DMD: variants seen among roughly 807,000 people sequenced by gnomAD.
DMD encodes dystrophin.
In DMD, 63 loss-of-function variants were observed where a neutral mutation model predicts 330.1. That is an observed-to-expected ratio of 0.19 (90% confidence interval 0.16 to 0.24). The LOEUF (loss-of-function observed/expected upper bound fraction) is 0.24. Among genes scored for constraint, DMD ranks in the 10% least tolerant of loss-of-function variants. The pLI, the probability that DMD is intolerant of heterozygous loss-of-function variation, is 1.00. For missense variants in DMD, 3,344 were observed against 2,684.1 expected, an observed-to-expected ratio of 1.25 and a Z score of -5.43; for synonymous variants, 1,223 against 959.8, an observed-to-expected ratio of 1.27 and a Z score of -5.07.
At chrX:31,422,125 C>G (rs1294829295) in intron 60 of DMD, among the ~76,000 whole-genome samples, 1 of 105,341 alleles carries the variant, frequency 9.5e-6, no homozygotes, top group African/African-American at 3.5e-5. Flanking sequence ...CCCACCTCAG[C>G]CTCCCGAGTA....
intron 41 of DMD, among the ~76,000 whole-genome samples, chrX:32,336,279 G>A (rs1409655805): frequency 9.0e-6 from 1 of 111,131 alleles, no homozygotes; most frequent in Non-Finnish European, 1.9e-5. Context: ...GCCTCACAAA[G>A]AGCTGGGATT....
Position 31,983,984 on chromosome X carries a change from T to G in DMD, c.6439-15470A>C, listed in dbSNP as rs1465059493. On this transcript the variant is annotated intron_variant, in intron 44 of 78. Transcript: ENST00000357033. Reference sequence around the variant, plus strand: ...TCCCATTATTCGGTACTGGCTCTTTTCTGACTCAAATACTTAGATATTAAA... The same window carrying G: ...TCCCATTATTCGGTACTGGCTCTTTGCTGACTCAAATACTTAGATATTAAA... Among the ~76,000 whole-genome samples the G allele has an allele frequency of 1.7e-4, 19 of 111,625 alleles. No individual in the cohort carries two copies. In the Admixed American group the frequency reaches 1.8e-3, roughly 11 times the overall value.
At chrX:32,828,186 A>G (rs1285903436) in intron 4 of DMD, among the ~76,000 whole-genome samples, 1 of 111,760 alleles carries the variant, frequency 8.9e-6, no homozygotes, top group Non-Finnish European at 1.9e-5. Flanking sequence ...CAATAAACAT[A>G]TATGTGCATG....
rs1432823662 is a variant in DMD, at chrX:32,624,197, G to A, written c.1332-9744C>T. ...GGTTTCATTTTATATCCTTCAAGTC[G>A]TCATTTAGACGGGAAAGTAAAAGCA... On this transcript the variant is annotated intron_variant, in intron 11 of 78. Coordinates refer to ENST00000357033, the MANE Select transcript of DMD (RefSeq NM_004006.3). Among the ~76,000 whole-genome samples the A allele has an allele frequency of 3.6e-5, 4 of 111,911 alleles. No individual in the cohort carries two copies. In the East Asian group the frequency reaches 8.5e-4, roughly 24 times the overall value.
At chrX:32,703,571 A>G (rs372649770) in intron 7 of DMD, among the ~76,000 whole-genome samples, 3 of 111,581 alleles carry the variant, frequency 2.7e-5, no homozygotes, top group East Asian at 2.8e-4. Context: ...CAGATGAGCC[A>G]CCCCATAATT....
chrX:32,543,213 C>A (rs2048651550), intron 17 of DMD, among the ~76,000 whole-genome samples: 2 of 110,872 alleles, frequency 1.8e-5, no homozygotes, highest in African/African-American at 6.6e-5. Context: ...CCCAATGGGA[C>A]TTCTCATTTA....
intron 49 of DMD, among the ~76,000 whole-genome samples, chrX:31,832,760 G>T (rs2093080803): frequency 8.9e-6 from 1 of 112,279 alleles, no homozygotes; most frequent in Admixed American, 9.4e-5. Flanking sequence ...ACTTTAGAAA[G>T]TAACCAAGAC....
intron 7 of DMD, among the ~76,000 whole-genome samples, chrX:32,798,799 C>A (rs909442560): frequency 1.8e-5 from 2 of 111,171 alleles, no homozygotes; most frequent in Admixed American, 9.6e-5. Context: ...AGACAAAAAT[C>A]AATCTAAATG....
chrX:33,123,285 A>G (rs1354283045), intron 1 of DMD, among the ~76,000 whole-genome samples: 1 of 112,213 alleles, frequency 8.9e-6, no homozygotes, highest in Non-Finnish European at 1.9e-5. Context: ...GTGTTAACAC[A>G]TAACTGTATA....
chrX:32,916,652 T>A (rs1243867340), intron 2 of DMD, among the ~76,000 whole-genome samples: 1 of 111,872 alleles, frequency 8.9e-6, no homozygotes, highest in Non-Finnish European at 1.9e-5. Flanking sequence ...TGTTGATATC[T>A]ATTGAAGATA....
At chrX:33,095,997 T>C (rs1168629931) in intron 1 of DMD, among the ~76,000 whole-genome samples, 2 of 75,788 alleles carry the variant, frequency 2.6e-5, no homozygotes, top group African/African-American at 1.0e-4. Context: ...TTTTTTGAGA[T>C]GGAGTCTCGC....
At chrX:33,128,028 T>C (rs1192610602) in intron 1 of DMD, 1 of 1,157,747 alleles carries the variant, frequency 8.6e-7, no homozygotes, top group Non-Finnish European at 1.2e-6. Context: ...CATCCAAATA[T>C]ATCCCAGGGG....
At chrX:31,583,516 G>C (rs771378008) in intron 55 of DMD, among the ~76,000 whole-genome samples, 1 of 111,276 alleles carries the variant, frequency 9.0e-6, no homozygotes, top group East Asian at 2.8e-4. Context: ...TTCTTAGTGA[G>C]AGCAGTTTGC....
intron 1 of DMD, among the ~76,000 whole-genome samples, chrX:33,318,050 T>C (rs2053958403): frequency 9.0e-6 from 1 of 111,574 alleles, no homozygotes; most frequent in South Asian, 3.8e-4. Context: ...CTTACTGTGC[T>C]GATTAAGTGG....
intron 1 of DMD, among the ~76,000 whole-genome samples, chrX:33,084,856 A>C (rs1200659513): frequency 8.9e-6 from 1 of 111,785 alleles, no homozygotes; most frequent in Non-Finnish European, 1.9e-5. Flanking sequence ...GGTTAGAAGC[A>C]AGATGGAGTC....
chrX:32,454,421 A>C (rs1258629486), intron 26 of DMD, among the ~76,000 whole-genome samples: 1 of 110,975 alleles, frequency 9.0e-6, no homozygotes, highest in Non-Finnish European at 1.9e-5. Flanking sequence ...TCAAGGGAAA[A>C]TTGTTTCAAA....
At chrX:33,308,013 T>C (rs1454104187) in intron 1 of DMD, among the ~76,000 whole-genome samples, 1 of 112,015 alleles carries the variant, frequency 8.9e-6, no homozygotes, top group African/African-American at 3.2e-5. Context: ...TCAGCTATTA[T>C]CATACTTGGA....
At position 31,792,110 on chromosome X, in the gene DMD, A is replaced by G. The variant is rs2091598553; in HGVS notation, c.7310-17918T>C. ...TCCCTGCCCAGTAGTTTCCCAGTAC[A>G]TGAAATTAGTACTGGAGGCCTTCCT... On this transcript the variant is annotated intron_variant, in intron 50 of 78. Coordinates refer to ENST00000357033, the MANE Select transcript of DMD (RefSeq NM_004006.3). Among the ~76,000 whole-genome samples, 5 of 112,067 alleles carry G rather than the reference A, an allele frequency of 4.5e-5. No individual in the cohort carries two copies. In the South Asian group the frequency reaches 1.9e-3, roughly 41 times the overall value.
intron 77 of DMD, among the ~76,000 whole-genome samples, chrX:31,128,743 A>G (rs746288718): frequency 2.8e-4 from 31 of 111,688 alleles, no homozygotes; most frequent in African/African-American, 9.4e-4. Context: ...CCCAGAGCCA[A>G]GCTAACTCTA....
Sources: gnomAD v4.1 joint callset for allele counts (sites outside exome capture counted in the v4.1 genomes callset) on GRCh38, gnomAD v4.1.1 for gene constraint, MANE v1.5 for transcripts, NCBI Gene and HGNC (gene_info 2026-07-23, HGNC 2026-07-21) for gene names.